The following UBALD1 variants were observed in gnomAD, a reference collection of about 807,000 sequenced individuals.
UBALD1 encodes the protein UBA-like domain-containing protein 1.
Under a neutral mutation model 16.1 loss-of-function variants are expected in UBALD1, and 5 were observed. The ratio of observed to expected loss-of-function variants is 0.31; its 90% CI spans 0.16 to 0.66. UBALD1 has a LOEUF of 0.66. Ranked by LOEUF, UBALD1 falls within the 30% of genes least tolerant of loss-of-function variation. The pLI, the probability that UBALD1 is intolerant of heterozygous loss-of-function variation, is 0.77. For missense variants in UBALD1, 220 were observed against 252.8 expected, an observed-to-expected ratio of 0.87 and a Z score of 0.88; for synonymous variants, 146 against 105.3, an observed-to-expected ratio of 1.39 and a Z score of -2.37.
chr16:4,613,131 A>G (rs1897378593), intron 1 of UBALD1, among the ~76,000 whole-genome samples: 1 of 152,046 alleles, frequency 6.6e-6, no homozygotes, highest in Non-Finnish European at 1.5e-5. Context: ...CAGATGTGTA[A>G]CTGCCATGAA....
Position 4,609,568 on chromosome 16 carries a change from C to T in UBALD1, c.*65G>A. 1 of 700,344 alleles carries T rather than the reference C, an allele frequency of 1.4e-6. No individual in the cohort carries two copies. Among genetic ancestry groups the T allele is most frequent in the Non-Finnish European group, 2.1e-6 (1 of 475,170 alleles). The allele number at this position is 700,344 out of a possible 1,614,324, so 43.4% of individuals were successfully genotyped here. On this transcript the variant is annotated 3_prime_UTR_variant, in exon 3 of 3. Coordinates refer to ENST00000283474, the MANE Select transcript of UBALD1 (RefSeq NM_145253.3). Reference sequence around the variant, plus strand: ...CAGACAGAAAAGGGGTGAAGGGGGCCCGCAGAGACGTCCTCTCCCCCGCCC... The same window carrying T: ...CAGACAGAAAAGGGGTGAAGGGGGCTCGCAGAGACGTCCTCTCCCCCGCCC...
chr16:4,612,645 C>T (rs1897372366), intron 1 of UBALD1, among the ~76,000 whole-genome samples: 1 of 152,176 alleles, frequency 6.6e-6, no homozygotes. Context: ...CGGCCCCTCC[C>T]CCTGCAGCCT....
Position 4,614,624 on chromosome 16 carries a change from C to T in UBALD1, c.120+54G>A. 2 of 1,334,728 alleles carry T rather than the reference C, an allele frequency of 1.5e-6. 1 individual carries two copies. Among genetic ancestry groups the T allele is most frequent in the South Asian group, 4.2e-5 (2 of 48,024 alleles). 82.7% of individuals were successfully genotyped at this position (1,334,728 alleles called of 1,614,324 possible). A position where few individuals can be genotyped will look rare whatever the true frequency, so the allele number is the denominator to read the frequency against. Reference sequence around the variant, plus strand: ...CGTCCGCCCCCGCCCGGCGGCCACGCGGGACACACTCCGCCCGTGGCCCCG... The same window carrying T: ...CGTCCGCCCCCGCCCGGCGGCCACGTGGGACACACTCCGCCCGTGGCCCCG... On this transcript the variant is annotated intron_variant, in intron 1 of 2. Coordinates refer to ENST00000283474, the MANE Select transcript of UBALD1 (RefSeq NM_145253.3).
chr16:4,614,756 G>A lies in UBALD1; in HGVS notation c.42C>T (p.Ile14=). ...NMDELKHQVM[I]NQFVLTAGCA... is the part of the protein sequence containing the mutation. ...AGCCCGCCGTCAGCACGAACTGGTT[G>A]ATCATGACCTGGTGCTTGAGCTCGT... Residue 14 remains isoleucine (I), a synonymous_variant, in exon 1 of 3, where the codon ATC becomes ATT. Transcript: ENST00000283474. 1 of 1,561,232 alleles carries A rather than the reference G, an allele frequency of 6.4e-7. No homozygotes were observed. The highest frequency in any genetic ancestry group is 1.2e-5 in the South Asian group (1 of 85,970).
intron 1 of UBALD1, chr16:4,614,271 C>G (rs919107298): frequency 2.8e-6 from 1 of 353,670 alleles, no homozygotes; most frequent in Non-Finnish European, 5.1e-6. Flanking sequence ...CGCGGACCCT[C>G]GGACCACTCG....
rs1369678556 is a variant in UBALD1 at position 4,609,752 on chromosome 16, G to T, written c.415C>A (p.Pro139Thr). ...GTTGGAGTCCACAGGGGCGGCTGTG[G>T]CTGGTGGTGCTGTGGGCCCCCCGGG... is the stretch of plus-strand genomic sequence containing the variant. The part of the protein sequence containing the change: ...SPPGGPQHHQ[P>T]QPPLWTPTPP... The change falls in exon 3 of 3, where the codon CCA becomes ACA. Residue 139 changes from proline to threonine, a missense_variant. By Grantham distance (38) the Pro-to-Thr change is conservative. This residue lies in a region of UBALD1 where 151 missense variants were observed against 132.6 expected (regional missense o/e 1.14). Transcript: ENST00000283474. 4.7e-6 allele frequency: 7 copies of T among 1,504,960 alleles called. No homozygotes were observed. The highest frequency in any genetic ancestry group is 6.2e-6 in the Non-Finnish European group (7 of 1,130,478). The allele number at this position is 1,504,960 out of a possible 1,614,324, so 93.2% of individuals were successfully genotyped here. A position where few individuals can be genotyped will look rare whatever the true frequency, so the allele number is the denominator to read the frequency against.
chr16:4,614,329 G>A (rs1213909819), intron 1 of UBALD1: 2 of 365,506 alleles, frequency 5.5e-6, no homozygotes, highest in South Asian at 1.3e-4. Flanking sequence ...GGCCTGGGGC[G>A]TCCTCCTTCC....
intron 1 of UBALD1, 114 bp downstream of exon 1, chr16:4,614,564 C>A: frequency 7.8e-7 from 1 of 1,288,650 alleles, no homozygotes; most frequent in Non-Finnish European, 9.9e-7. Flanking sequence ...GGGTCTGCGG[C>A]CCGGAGGGGG....
intron 1 of UBALD1, among the ~76,000 whole-genome samples, chr16:4,612,089 G>A (rs1247694485): frequency 2.8e-4 from 42 of 148,116 alleles, no homozygotes; most frequent in African/African-American, 3.0e-4. Context: ...TTTTTGAGAC[G>A]GAGTCTCGCT....
At position 4,609,389 on chromosome 16, in the gene UBALD1, G is replaced by A. The variant is rs1249641185; in HGVS notation, c.*244C>T. ...CTGCGTGGTCTCTGAAGTTCTGTCCGCCAGGCACCCAGGCCGCGCTGAACC... is the reference window on the plus strand; with the variant it reads ...CTGCGTGGTCTCTGAAGTTCTGTCCACCAGGCACCCAGGCCGCGCTGAACC... On this transcript the variant is annotated 3_prime_UTR_variant, in exon 3 of 3. Coordinates refer to ENST00000283474, the MANE Select transcript of UBALD1 (RefSeq NM_145253.3). The A allele has an allele frequency of 2.1e-5, 8 of 381,428 alleles. No homozygotes were observed. Among genetic ancestry groups the A allele is most frequent in the Non-Finnish European group, 3.2e-5 (7 of 215,656 alleles). The allele number at this position is 381,428 out of a possible 1,614,324, so 23.6% of individuals were successfully genotyped here.
chr16:4,613,018 CTGGGTGCCAG>C (rs1897377019), intron 1 of UBALD1, among the ~76,000 whole-genome samples: 1 of 24,156 alleles, frequency 4.1e-5, no homozygotes. Flanking sequence ...TGGGTGCCAG[CTGGGTGCCAG>C]GTTTTGAGGG....
chr16:4,612,184 C>T (rs1398706050), intron 1 of UBALD1, among the ~76,000 whole-genome samples: 1 of 151,614 alleles, frequency 6.6e-6, no homozygotes, highest in Admixed American at 6.6e-5. Flanking sequence ...CTGCCTCAGC[C>T]TCCCGAGTAG....
chr16:4,614,342 C>G (rs1435660112), intron 1 of UBALD1: 1 of 366,950 alleles, frequency 2.7e-6, no homozygotes. Flanking sequence ...CTCCTTCCGG[C>G]CGCCCGCCCG....
At position 4,610,680 on chromosome 16, in the gene UBALD1, G is replaced by A. The variant is rs189630314; in HGVS notation, c.121-125C>T. 931 of 1,064,034 alleles carry A rather than the reference G, an allele frequency of 8.7e-4. 10 individuals carry two copies. The African/African-American group carries it at 0.013, about 15-fold the overall frequency. 65.9% of individuals were successfully genotyped at this position (1,064,034 alleles called of 1,614,324 possible). A position where few individuals can be genotyped will look rare whatever the true frequency, so the allele number is the denominator to read the frequency against. On this transcript the variant is annotated intron_variant, in intron 1 of 2. Transcript: ENST00000283474. ...GACTGCTGAGTGGGAGGGGTGAGTC[G>A]CGGTGCTGAGGCTCAGTGGCTTGCC...
In UBALD1 at chr16:4,614,804, G is replaced by A. The variant is rs770376035; in HGVS notation, c.-7C>T. 10 of 1,496,666 alleles carry A rather than the reference G, an allele frequency of 6.7e-6. No homozygotes were observed. The highest frequency in any genetic ancestry group is 3.6e-4 in the Middle Eastern group (2 of 5,618). The allele number at this position is 1,496,666 out of a possible 1,614,324, so 92.7% of individuals were successfully genotyped here. ...CGTCCATGTTCACGGACATGGCGCC[G>A]CCGCGCTGCCCGCTCCGGCCTCCCT... On this transcript the variant is annotated 5_prime_UTR_variant, in exon 1 of 3. Transcript: ENST00000283474.
intron 1 of UBALD1, 150 bp downstream of exon 1, chr16:4,614,528 G>T: frequency 1.6e-6 from 2 of 1,271,760 alleles, no homozygotes; most frequent in South Asian, 1.8e-5. Context: ...TCCGGACGCC[G>T]GGCACCGCCG....
chr16:4,611,044 A>G, intron 1 of UBALD1: 1 of 237,476 alleles, frequency 4.2e-6, no homozygotes, highest in Non-Finnish European at 8.1e-6. Context: ...AAGCAAAAGC[A>G]TCCTGAAGGA....
At chr16:4,611,914 C>T (rs1255591892) in intron 1 of UBALD1, among the ~76,000 whole-genome samples, 25 of 152,060 alleles carry the variant, frequency 1.6e-4, no homozygotes, top group Admixed American at 1.4e-3. Flanking sequence ...AGCTTCAAGC[C>T]GCCGAGGTGC....
At chr16:4,610,020 C>G (rs748082842) in intron 2 of UBALD1, 37 bp from the exon 3 acceptor site, 2 of 1,498,846 alleles carry the variant, frequency 1.3e-6, no homozygotes, top group East Asian at 2.4e-5. Context: ...GGTGAGCACC[C>G]CTTCCTGGAG....
Sources: gnomAD v4.1 joint callset for allele counts (sites outside exome capture counted in the v4.1 genomes callset) on GRCh38, gnomAD v4.1.1 for gene constraint, gnomAD v4.1.1 regional missense constraint, MANE v1.5 for transcripts, NCBI Gene and HGNC (gene_info 2026-07-23, HGNC 2026-07-21) for gene names.